Variants in PNPT1 observed in about 807,000 individuals in gnomAD.
PNPT1 encodes the protein polyribonucleotide nucleotidyltransferase 1.
PNPT1 carries 53 observed loss-of-function variants against 119.5 expected under a neutral mutation model. The ratio of observed to expected loss-of-function variants is 0.44; its 90% CI spans 0.36 to 0.56. The LOEUF is 0.56. Among genes scored for constraint, PNPT1 ranks in the 20% least tolerant of loss-of-function variants. The pLI is 0.00. For synonymous variants in PNPT1, 357 were observed against 322.1 expected (o/e 1.11, Z -1.16); for missense variants, 948 against 938.5 (o/e 1.01, Z -0.13).
chr2:55,665,522 A>G (rs1696705910), intron 13 of PNPT1, among the ~76,000 whole-genome samples: 1 of 152,250 alleles, frequency 6.6e-6, no homozygotes, highest in South Asian at 2.1e-4. Context: ...TTACTACAAA[A>G]TAGCAGGTAA....
At chr2:55,676,262 C>CAAAAAAAAA (rs11400030) in intron 8 of PNPT1, among the ~76,000 whole-genome samples, 7 of 82,836 alleles carry the variant, frequency 8.5e-5, no homozygotes, top group African/African-American at 1.5e-4. Flanking sequence ...CCATCTCAAC[C>CAAAAAAAAA]AAAAAAAAAA....
intron 24 of PNPT1, 23 bp from the exon 25 acceptor site, chr2:55,643,236 A>T (rs775116819): frequency 6.2e-7 from 1 of 1,614,122 alleles, no homozygotes; most frequent in African/African-American, 1.3e-5. Context: ...AATAAGCCAT[A>T]AGATTCATAA....
At chr2:55,671,971 A>C in intron 10 of PNPT1, 24 bp downstream of exon 10, 1 of 1,555,650 alleles carries the variant, frequency 6.4e-7, no homozygotes, top group Non-Finnish European at 8.7e-7. Context: ...GCAATTATGG[A>C]AGACAAAACT....
At chr2:55,650,010 G>A (rs1177763734) in intron 18 of PNPT1, among the ~76,000 whole-genome samples, 1 of 152,178 alleles carries the variant, frequency 6.6e-6, no homozygotes. Flanking sequence ...TACAATGTGT[G>A]GCTTTCTTGA....
intron 26 of PNPT1, among the ~76,000 whole-genome samples, chr2:55,638,151 A>G (rs1262338229): frequency 6.6e-6 from 1 of 151,154 alleles, no homozygotes; most frequent in Non-Finnish European, 1.5e-5. Flanking sequence ...AAAATACAAA[A>G]ACTAGCTGGG....
intron 2 of PNPT1, among the ~76,000 whole-genome samples, chr2:55,686,762 A>G (rs782574): frequency 0.93 from 141,475 of 152,268 alleles, 66,270 homozygotes; most frequent in African/African-American, 0.96. Flanking sequence ...TACCAAAATC[A>G]CTTTCTCTAG....
At chr2:55,654,072 T>TA (rs1463915890) in intron 18 of PNPT1, among the ~76,000 whole-genome samples, 1 of 151,938 alleles carries the variant, frequency 6.6e-6, no homozygotes, top group African/African-American at 2.4e-5. Context: ...GCCTGGCCAA[T>TA]ATGGTGAAAC....
intron 9 of PNPT1, 99 bp from the exon 10 acceptor site, chr2:55,672,145 A>G: frequency 1.2e-6 from 1 of 834,678 alleles, no homozygotes; most frequent in Non-Finnish European, 1.9e-6. Context: ...TAATCAGCTA[A>G]AACTTTAATA....
intron 22 of PNPT1, 175 bp from the exon 23 acceptor site, chr2:55,644,895 CT>C: frequency 2.2e-6 from 1 of 449,522 alleles, no homozygotes; most frequent in Non-Finnish European, 3.9e-6. Context: ...AGAATATTCC[CT>C]AAAATTTAAA....
At chr2:55,661,307 A>T (rs1696566337) in intron 14 of PNPT1, among the ~76,000 whole-genome samples, 1 of 151,848 alleles carries the variant, frequency 6.6e-6, no homozygotes, top group Non-Finnish European at 1.5e-5. Context: ...TAGCCAGGAT[A>T]GTCTTGGTCT....
At chr2:55,678,523 G>A (rs1697154755) in intron 8 of PNPT1, among the ~76,000 whole-genome samples, 1 of 152,166 alleles carries the variant, frequency 6.6e-6, no homozygotes, top group African/African-American at 2.4e-5. Context: ...ACACCTTTTT[G>A]CTGTTCCCTT....
intron 3 of PNPT1, among the ~76,000 whole-genome samples, chr2:55,686,020 G>C (rs1031951031): frequency 6.6e-6 from 1 of 152,130 alleles, no homozygotes. Flanking sequence ...TGAATCCATG[G>C]ATGCAAAACC....
intron 5 of PNPT1, 137 bp downstream of exon 5, chr2:55,683,648 A>G (rs1377933668): frequency 3.6e-6 from 3 of 824,380 alleles, no homozygotes; most frequent in Admixed American, 3.3e-5. Flanking sequence ...TCTTTTTTCA[A>G]AAACGTAATG....
At chr2:55,664,798 C>T in intron 13 of PNPT1, among the ~76,000 whole-genome samples, 1 of 152,018 alleles carries the variant, frequency 6.6e-6, no homozygotes, top group Non-Finnish European at 1.5e-5. Flanking sequence ...AAAAACTTGA[C>T]TAAAGAGCAT....
At chr2:55,686,275 G>T in intron 3 of PNPT1, 95 bp downstream of exon 3, 1 of 1,117,070 alleles carries the variant, frequency 9.0e-7, no homozygotes, top group Non-Finnish European at 1.3e-6. Context: ...GTGCAAGTTT[G>T]TATTTTCCAC....
intron 14 of PNPT1, among the ~76,000 whole-genome samples, 185 bp downstream of exon 14, chr2:55,661,771 A>G (rs971819925): frequency 5.9e-5 from 9 of 152,242 alleles, no homozygotes. Context: ...GTTCCAAATC[A>G]GTGATTTAGA....
rs184648267 is a variant in PNPT1, at chr2:55,657,826, A to T, written c.1285-1455T>A. On this transcript the variant is annotated intron_variant, in intron 15 of 27. Transcript: ENST00000447944. ...CCAGACTGTGGGAGACTATAAGTCA[A>T]ATGGCTATGGGGCTTCAATAGATAG... 8.8e-5 allele frequency among the ~76,000 whole-genome samples: 12 copies of T among 135,760 alleles called. No homozygotes were observed. The Middle Eastern group carries it at 0.016, about 175-fold the overall frequency. 89.1% of individuals were successfully genotyped at this position (135,760 alleles called of 152,430 possible).
Position 55,667,091 on chromosome 2 carries a change from C to A in PNPT1, c.1076G>T (p.Cys359Phe). Residue 359 changes from cysteine (C) to phenylalanine (F), a missense_variant and splice_region_variant, in exon 13 of 28, where the codon TGC becomes TTC. Physicochemically the swap from Cys to Phe is radical, Grantham distance 205 (BLOSUM62 -2). Transcript: ENST00000447944. ...AAGTGAAGTCAAATCCCGACCATCGCACCTATAGTGATATAGGAAATAAGT... is the reference window on the plus strand; with the variant it reads ...AAGTGAAGTCAAATCCCGACCATCGAACCTATAGTGATATAGGAAATAAGT... ...RSIVLNEYKR[C>F]DGRDLTSLRN... 6.2e-7 allele frequency: 1 copy of A among 1,610,022 alleles called. No individual in the cohort carries two copies. The highest frequency in any genetic ancestry group is 8.5e-7 in the Non-Finnish European group (1 of 1,177,008).
chr2:55,645,393 A>G lies in PNPT1; in HGVS notation c.1778T>C (p.Ile593Thr). ...KEILQIMNKT[I>T]SKPRASRKEN... The stretch of plus-strand genomic sequence containing the variant: ...TTTTCTAGATGCTCGAGGTTTTGAA[A>G]TAGTTTTGTTCATGATCTGTAATAT... Residue 593 changes from isoleucine to threonine, a missense_variant, in exon 22 of 28, where the codon ATT becomes ACT. Transcript: ENST00000447944. The G allele has an allele frequency of 6.2e-7, 1 of 1,612,564 alleles. No individual in the cohort carries two copies. Among genetic ancestry groups the G allele is most frequent in the Non-Finnish European group, 8.5e-7 (1 of 1,178,814 alleles).
Sources: allele counts gnomAD v4.1 joint callset (sites outside exome capture counted in the v4.1 genomes callset), GRCh38; gene constraint gnomAD v4.1.1; transcripts MANE v1.5; gene names NCBI Gene and HGNC (gene_info 2026-07-23, HGNC 2026-07-21).